FBXW11: variants seen among roughly 807,000 people sequenced by gnomAD.
The protein encoded by FBXW11 is F-box/WD repeat-containing protein 11.
FBXW11 carries 19 observed loss-of-function variants against 77.6 expected under a neutral mutation model. That is an observed-to-expected ratio of 0.24 (90% CI 0.17 to 0.36). The LOEUF is 0.36. Among genes scored for constraint, FBXW11 ranks in the 10% least tolerant of loss-of-function variants. FBXW11 has a pLI of 1.00. For missense variants in FBXW11, 334 were observed against 704.2 expected (o/e 0.47, Z 5.95); for synonymous variants, 235 against 249.4 (o/e 0.94, Z 0.54).
At position 171,862,697 on chromosome 5, in the gene FBXW11, G is replaced by A. The variant is rs1757162269; in HGVS notation, c.*1430C>T. 1 of 152,576 alleles carries A rather than the reference G, an allele frequency of 6.6e-6. No individual in the cohort carries two copies. Among genetic ancestry groups the A allele is most frequent in the South Asian group, 2.1e-4 (1 of 4,830 alleles). The allele number at this position is 152,576 out of a possible 1,614,324, so 9.5% of individuals were successfully genotyped here. On this transcript the variant is annotated 3_prime_UTR_variant, in exon 14 of 14. Transcript: ENST00000517395. ...ACTTGGGAGCTTTGAGAACCTGCTG[G>A]GGCCACAGCAGCAGCTGACACCAGA...
rs144675573 is a variant in FBXW11, at chr5:171,954,850, G to A, written c.147+2747C>T. 2.2e-3 allele frequency among the ~76,000 whole-genome samples: 339 copies of A among 152,178 alleles called. 2 individuals carry two copies. The highest frequency in any genetic ancestry group is 8.1e-3 in the African/African-American group (337 of 41,506). ...CCATATACCAGGTGTCAATAGTGAG[G>A]TTTCTACAAATAAAACCAACATGGA... On this transcript the variant is annotated intron_variant, in intron 2 of 13. Transcript: ENST00000517395.
Position 171,876,590 on chromosome 5 carries a change from T to A in FBXW11, c.972-56A>T. On this transcript the variant is annotated intron_variant, in intron 8 of 13. Coordinates refer to ENST00000517395, the MANE Select transcript of FBXW11 (RefSeq NM_001378974.1). The surrounding 1 kb of genome is among the most constrained non-coding windows in gnomAD (Gnocchi z 4.2). ...ATTATGGAGACAGCCAGGAAATGAT[T>A]CTGGTATCTGAGCTCTGTCTGGGTC... The A allele has an allele frequency of 6.3e-7, 1 of 1,590,094 alleles. No individual in the cohort carries two copies. The highest frequency in any genetic ancestry group is 8.6e-7 in the Non-Finnish European group (1 of 1,163,524).
intron 1 of FBXW11, among the ~76,000 whole-genome samples, chr5:171,996,105 T>C (rs1472604873): frequency 6.6e-6 from 1 of 152,218 alleles, no homozygotes; most frequent in African/African-American, 2.4e-5. Flanking sequence ...GTAACTGGCA[T>C]GTAGCACTCG....
At chr5:171,929,604 C>T (rs1464091087) in intron 2 of FBXW11, among the ~76,000 whole-genome samples, 1 of 152,086 alleles carries the variant, frequency 6.6e-6, no homozygotes, top group Non-Finnish European at 1.5e-5. Flanking sequence ...GTAATCCTAG[C>T]ACTTTGGGAG....
At chr5:171,902,686 C>A (rs1234527993) in intron 4 of FBXW11, among the ~76,000 whole-genome samples, 1 of 152,216 alleles carries the variant, frequency 6.6e-6, no homozygotes, top group Non-Finnish European at 1.5e-5. Flanking sequence ...CTGTACAGGG[C>A]ACAATTGTAC....
chr5:171,866,122 G>C (rs953667417), intron 13 of FBXW11, among the ~76,000 whole-genome samples: 2 of 152,030 alleles, frequency 1.3e-5, no homozygotes, highest in African/African-American at 4.8e-5. Context: ...AAAATCAGCT[G>C]GGTGTGATGG....
chr5:171,928,981 G>A (rs1483584931), intron 2 of FBXW11, among the ~76,000 whole-genome samples: 1 of 152,188 alleles, frequency 6.6e-6, no homozygotes, highest in Non-Finnish European at 1.5e-5. Context: ...GCAGAGGCAG[G>A]AGAATCACTT....
intron 2 of FBXW11, among the ~76,000 whole-genome samples, chr5:171,956,630 A>C (rs74380802): frequency 0.016 from 2,400 of 152,322 alleles, 52 homozygotes; most frequent in African/African-American, 0.054. Context: ...ATGAATAGAA[A>C]GATAAACTTG....
At chr5:172,001,180 G>A (rs1581102992) in intron 1 of FBXW11, among the ~76,000 whole-genome samples, 1 of 152,186 alleles carries the variant, frequency 6.6e-6, no homozygotes. Context: ...TTCACTGCAT[G>A]AAAGAAAGAA....
At chr5:171,910,451 T>C in intron 4 of FBXW11, 121 bp downstream of exon 4, 2 of 595,606 alleles carry the variant, frequency 3.4e-6, no homozygotes, top group South Asian at 2.5e-5. Flanking sequence ...TATTAAAGTA[T>C]GCGTCCCAAA....
At chr5:171,896,666 T>C (rs1015042868) in intron 6 of FBXW11, among the ~76,000 whole-genome samples, 4 of 152,230 alleles carry the variant, frequency 2.6e-5, no homozygotes, top group Non-Finnish European at 4.4e-5. Flanking sequence ...TACTTAACTA[T>C]GTAGCAAGTC....
intron 1 of FBXW11, among the ~76,000 whole-genome samples, chr5:171,979,649 C>T (rs10866655): frequency 0.78 from 118,370 of 152,110 alleles, 49,379 homozygotes; most frequent in East Asian, 0.95. Flanking sequence ...TTGATCCCTA[C>T]CGCAACCATA....
Position 171,864,854 on chromosome 5 carries a change from C to G in FBXW11, c.*26-753G>C, listed in dbSNP as rs1245269328. On this transcript the variant is annotated intron_variant, in intron 13 of 13. Coordinates refer to ENST00000517395, the MANE Select transcript of FBXW11 (RefSeq NM_001378974.1). Reference sequence around the variant, plus strand: ...TTATCATTTTTACATACAATGCAGGCTGACATTTTCTATTCTAAATCAAAA... The same window carrying G: ...TTATCATTTTTACATACAATGCAGGGTGACATTTTCTATTCTAAATCAAAA... Among the ~76,000 whole-genome samples, 4 of 151,682 alleles carry G rather than the reference C, an allele frequency of 2.6e-5. No individual in the cohort carries two copies. The East Asian group carries it at 7.7e-4, about 29-fold the overall frequency.
At chr5:171,877,973 G>A (rs1451655595) in intron 8 of FBXW11, 38 bp downstream of exon 8, 1 of 1,465,150 alleles carries the variant, frequency 6.8e-7, no homozygotes, top group Non-Finnish European at 9.5e-7. Context: ...TCTCAGGGAA[G>A]GCTTACAAGT....
intron 2 of FBXW11, among the ~76,000 whole-genome samples, chr5:171,939,299 AAATG>A (rs1409167788): frequency 6.6e-6 from 1 of 152,194 alleles, no homozygotes; most frequent in Non-Finnish European, 1.5e-5. Context: ...CAGCAGAAAC[AAATG>A]AATAACATAA....
intron 1 of FBXW11, among the ~76,000 whole-genome samples, chr5:171,970,701 T>G (rs1317436399): frequency 1.3e-5 from 2 of 152,256 alleles, no homozygotes; most frequent in Non-Finnish European, 2.9e-5. Flanking sequence ...ATAAAAATTT[T>G]GCTTCTTTAG....
At chr5:171,957,471 G>A (rs1175239416) in intron 2 of FBXW11, 126 bp downstream of exon 2, 1 of 917,912 alleles carries the variant, frequency 1.1e-6, no homozygotes, top group East Asian at 2.5e-5. Flanking sequence ...CCAGGCTGGA[G>A]GAAAGCAGAG....
In FBXW11 at chr5:171,960,019, G is replaced by A. The variant is rs374882039; in HGVS notation, c.46-2321C>T. Among the ~76,000 whole-genome samples the A allele has an allele frequency of 3.6e-4, 54 of 151,762 alleles. No homozygotes were observed. The South Asian group carries it at 0.011, about 32-fold the overall frequency. On this transcript the variant is annotated intron_variant, in intron 1 of 13. Transcript: ENST00000517395. ...TCTATCCAGAGATATTCTTACACATGTTTAATAAAAGAATACTTACATCAG... is the reference window on the plus strand; with the variant it reads ...TCTATCCAGAGATATTCTTACACATATTTAATAAAAGAATACTTACATCAG...
chr5:171,942,707 T>C (rs112938776), intron 2 of FBXW11, among the ~76,000 whole-genome samples: 1 of 151,920 alleles, frequency 6.6e-6, no homozygotes, highest in Non-Finnish European at 1.5e-5. Context: ...AAGGCTGAGG[T>C]AGGACGATCA....
Sources: allele counts gnomAD v4.1 joint callset (sites outside exome capture counted in the v4.1 genomes callset), GRCh38; gene constraint gnomAD v4.1.1; non-coding constraint Gnocchi (gnomAD v3.1); transcripts MANE v1.5; gene names NCBI Gene and HGNC (gene_info 2026-07-23, HGNC 2026-07-21).